The following DLG2 variants were observed in gnomAD, a reference collection of about 807,000 sequenced individuals.
DLG2 encodes disks large homolog 2.
A neutral mutation model predicts 132.5 loss-of-function variants in DLG2; 45 were observed. That is an observed-to-expected ratio of 0.34 (90% CI 0.27 to 0.44). The LOEUF is 0.44. DLG2 is among the 20% of genes least tolerant of loss of function. The pLI, the probability that DLG2 is intolerant of heterozygous loss-of-function variation, is 1.00. For synonymous variants in DLG2, 424 were observed against 419.6 expected (o/e 1.01, Z -0.13); for missense variants, 1,045 against 1,196.9 (o/e 0.87, Z 1.87).
chr11:85,484,079 G>A (rs2093365105), intron 3 of DLG2, among the ~76,000 whole-genome samples: 1 of 152,112 alleles, frequency 6.6e-6, no homozygotes, highest in Non-Finnish European at 1.5e-5. Context: ...GTACCGTAAG[G>A]GAAAGTTGAA....
intron 5 of DLG2, among the ~76,000 whole-genome samples, chr11:85,134,128 C>T (rs914446845): frequency 6.6e-6 from 1 of 151,968 alleles, no homozygotes; most frequent in Non-Finnish European, 1.5e-5. Flanking sequence ...TTCGCTTTCA[C>T]TAGGAAGAAA....
chr11:83,524,773 C>T (rs2095564918), intron 21 of DLG2, among the ~76,000 whole-genome samples: 1 of 152,126 alleles, frequency 6.6e-6, no homozygotes, highest in Admixed American at 6.6e-5. Flanking sequence ...GCACACCGGG[C>T]TGTTTCCTGA....
At chr11:84,635,051 G>C (rs1019877551) in intron 6 of DLG2, among the ~76,000 whole-genome samples, 1 of 152,222 alleles carries the variant, frequency 6.6e-6, no homozygotes, top group Non-Finnish European at 1.5e-5. Context: ...AAGAGCAAGT[G>C]ATCCTTTGAA....
At chr11:84,417,602 C>G (rs2154462135) in intron 7 of DLG2, among the ~76,000 whole-genome samples, 1 of 152,222 alleles carries the variant, frequency 6.6e-6, no homozygotes, top group East Asian at 1.9e-4. Context: ...TGCTAGGGTG[C>G]CACAAACACA....
chr11:84,924,022 T>G (rs1040913738), intron 6 of DLG2, among the ~76,000 whole-genome samples: 5 of 151,770 alleles, frequency 3.3e-5, no homozygotes, highest in Non-Finnish European at 7.4e-5. Context: ...TGCTGCTGAA[T>G]GTAAAATGTT....
chr11:84,028,426 T>C lies in DLG2; in HGVS notation c.919+30889A>G, dbSNP rs142420097. ...AAAACAAAACTCAATCTAGTCTCTA[T>C]CACATTCATCTCAAAGTGAAACTCT... On this transcript the variant is annotated intron_variant, in intron 11 of 27. Transcript: ENST00000376104. Among the ~76,000 whole-genome samples the C allele has an allele frequency of 3.6e-3, 541 of 152,240 alleles. 1 individual carries two copies. The highest frequency in any genetic ancestry group is 0.017 in the Middle Eastern group (5 of 294).
rs150564979 is a variant in DLG2 at position 84,675,858 on chromosome 11, C to T, written c.358-141127G>A. ...GTAATTAATTGCCAAAGGATTTATG[C>T]ACAGGGACTCTGGCCTCTTTCTCCT... On this transcript the variant is annotated intron_variant, in intron 6 of 27. Coordinates refer to ENST00000376104, the MANE Select transcript of DLG2 (RefSeq NM_001142699.3). Among the ~76,000 whole-genome samples the T allele has an allele frequency of 4.6e-5, 7 of 152,186 alleles. No individual in the cohort carries two copies. In the East Asian group the frequency reaches 7.7e-4, roughly 17 times the overall value.
intron 18 of DLG2, among the ~76,000 whole-genome samples, chr11:83,747,454 G>A (rs1365248683): frequency 4.0e-5 from 6 of 151,640 alleles, no homozygotes; most frequent in African/African-American, 7.3e-5. Flanking sequence ...CACTGCAACC[G>A]CCTCCCAGGC....
At chr11:85,332,363 T>G (rs2081822374) in intron 3 of DLG2, among the ~76,000 whole-genome samples, 1 of 152,222 alleles carries the variant, frequency 6.6e-6, no homozygotes, top group Non-Finnish European at 1.5e-5. Flanking sequence ...TCCTGGCTAT[T>G]AGACCTCTGT....
intron 6 of DLG2, among the ~76,000 whole-genome samples, chr11:84,974,070 C>T (rs534496799): frequency 6.8e-4 from 103 of 152,262 alleles, no homozygotes; most frequent in African/African-American, 2.4e-3. Flanking sequence ...AGATACTGTT[C>T]TCCCAAACAG....
intron 6 of DLG2, among the ~76,000 whole-genome samples, chr11:84,743,754 T>A (rs1185640687): frequency 6.6e-6 from 1 of 151,818 alleles, no homozygotes; most frequent in Non-Finnish European, 1.5e-5. Context: ...TTCTTTTCTT[T>A]TTTTTTTTGA....
Position 84,333,513 on chromosome 11 carries a change from A to C in DLG2, c.520-82222T>G, listed in dbSNP as rs533713697. Among the ~76,000 whole-genome samples, 3 of 152,350 alleles carry C rather than the reference A, an allele frequency of 2.0e-5. No homozygotes were observed. In the East Asian group the frequency reaches 5.8e-4, roughly 29 times the overall value. On this transcript the variant is annotated intron_variant, in intron 7 of 27. Transcript: ENST00000376104. ...TTTTCAAAAGCAATCTAAAGCAATCAATTCTAGTCTGCAATAACTTTTGAA... is the reference window on the plus strand; with the variant it reads ...TTTTCAAAAGCAATCTAAAGCAATCCATTCTAGTCTGCAATAACTTTTGAA...
chr11:84,878,797 C>A (rs1413901820), intron 6 of DLG2, among the ~76,000 whole-genome samples: 1 of 152,106 alleles, frequency 6.6e-6, no homozygotes, highest in Non-Finnish European at 1.5e-5. Flanking sequence ...TACAAGACAA[C>A]ATTTTCTGTA....
intron 8 of DLG2, among the ~76,000 whole-genome samples, chr11:84,219,005 A>G (rs2096877772): frequency 6.6e-6 from 1 of 152,184 alleles, no homozygotes; most frequent in Non-Finnish European, 1.5e-5. Context: ...CTTAACTTGT[A>G]TCTCCTAGAG....
intron 7 of DLG2, among the ~76,000 whole-genome samples, chr11:84,372,629 T>C (rs569519493): frequency 5.3e-5 from 8 of 152,354 alleles, no homozygotes; most frequent in Admixed American, 5.2e-4. Context: ...TTTCTGTTTT[T>C]GATTTAAGGC....
chr11:84,816,687 T>C (rs562830250), intron 6 of DLG2, among the ~76,000 whole-genome samples: 3 of 152,112 alleles, frequency 2.0e-5, no homozygotes, highest in East Asian at 1.9e-4. Flanking sequence ...AAGTGAGGTA[T>C]CTTGCTCAAG....
chr11:84,084,599 C>A (rs1014586681), intron 10 of DLG2, among the ~76,000 whole-genome samples: 3 of 152,166 alleles, frequency 2.0e-5, no homozygotes, highest in African/African-American at 4.8e-5. Flanking sequence ...CTCTCCTTGA[C>A]CAAACTTTAG....
intron 9 of DLG2, among the ~76,000 whole-genome samples, chr11:84,100,813 T>C (rs1386692753): frequency 2.0e-5 from 3 of 152,130 alleles, no homozygotes; most frequent in Non-Finnish European, 4.4e-5. Context: ...TTGACACCTA[T>C]ACCACTGCAA....
chr11:84,626,571 T>G (rs1259682511), intron 6 of DLG2, among the ~76,000 whole-genome samples: 1 of 152,072 alleles, frequency 6.6e-6, no homozygotes, highest in Admixed American at 6.5e-5. Flanking sequence ...TATTTTGGCC[T>G]GAAACTCAGA....
Sources: gnomAD v4.1 joint callset for allele counts (sites outside exome capture counted in the v4.1 genomes callset) on GRCh38, gnomAD v4.1.1 for gene constraint, MANE v1.5 for transcripts, NCBI Gene and HGNC (gene_info 2026-07-23, HGNC 2026-07-21) for gene names.